Variants in EYA1 observed in about 807,000 individuals in gnomAD.
EYA1 encodes protein phosphatase EYA1.
In EYA1, 16 loss-of-function variants were observed where a neutral mutation model predicts 82.0. The observed-to-expected ratio is 0.20, with a 90% CI of 0.13 to 0.30. EYA1 has a LOEUF of 0.30. EYA1 is among the 10% of genes least tolerant of loss of function. EYA1 has a pLI of 1.00. For synonymous variants in EYA1, 261 were observed against 264.4 expected (o/e 0.99, Z 0.12); for missense variants, 633 against 730.7 (o/e 0.87, Z 1.54).
rs948779100 is a variant in EYA1 at position 71,418,379 on chromosome 8, T to C, written c.34-61868A>G. 2.6e-5 allele frequency among the ~76,000 whole-genome samples: 4 copies of C among 152,212 alleles called. No homozygotes were observed. The East Asian group carries it at 7.7e-4, about 29-fold the overall frequency. ...CATAAATTGATTCTGCTATTCTCTC[T>C]CCATGGGTCATAAGCTTTTCAGTCT... On this transcript the variant is annotated intron_variant, in intron 2 of 18. Coordinates refer to the EYA1 transcript ENST00000643681.
At chr8:71,456,066 A>G (rs2129184645) in intron 2 of EYA1, among the ~76,000 whole-genome samples, 1 of 152,330 alleles carries the variant, frequency 6.6e-6, no homozygotes, top group South Asian at 2.1e-4. Flanking sequence ...AAGTCTCAGG[A>G]TACAAAATCA....
chr8:71,546,777 T>C (rs1479486853), intron 1 of EYA1, among the ~76,000 whole-genome samples: 1 of 152,184 alleles, frequency 6.6e-6, no homozygotes, highest in African/African-American at 2.4e-5. Context: ...GTGCTGGGAT[T>C]ACAAGCGTGA....
chr8:71,392,216 G>C (rs1333970327), intron 2 of EYA1, among the ~76,000 whole-genome samples: 1 of 152,090 alleles, frequency 6.6e-6, no homozygotes, highest in Non-Finnish European at 1.5e-5. Flanking sequence ...CTCAGGGGAG[G>C]AAGGGACGGA....
intron 17 of EYA1, among the ~76,000 whole-genome samples, chr8:71,201,932 A>G (rs1807078671): frequency 6.6e-6 from 1 of 152,212 alleles, no homozygotes; most frequent in South Asian, 2.1e-4. Context: ...TAAAGGGGTT[A>G]GATAGTATTT....
At chr8:71,413,709 C>T (rs28647181) in intron 2 of EYA1, among the ~76,000 whole-genome samples, 24,502 of 152,104 alleles carry the variant, frequency 0.16, 2,195 homozygotes, top group African/African-American at 0.24. Context: ...TGTTGTGTTT[C>T]GTTTTGCTTT....
chr8:71,488,943 T>A (rs527464256), intron 2 of EYA1, among the ~76,000 whole-genome samples: 3 of 152,348 alleles, frequency 2.0e-5, no homozygotes, highest in South Asian at 4.1e-4. Flanking sequence ...TCCTGTTTTA[T>A]GTTGAGGGCT....
chr8:71,245,688 A>G lies in EYA1; in HGVS notation c.1051-996T>C, dbSNP rs544672061. ...TAATTTCAGAAGGGTAGTACATAGT[A>G]ATTTTAATCTAGATAACTCTCTATC... On this transcript the variant is annotated intron_variant, in intron 11 of 17. Coordinates refer to ENST00000340726, the MANE Select transcript of EYA1 (RefSeq NM_000503.6). Among the ~76,000 whole-genome samples the G allele has an allele frequency of 4.6e-5, 7 of 152,290 alleles. No homozygotes were observed. In the South Asian group the frequency reaches 1.5e-3, roughly 32 times the overall value.
At chr8:71,331,914 C>T (rs1183154280) in intron 4 of EYA1, among the ~76,000 whole-genome samples, 1 of 152,190 alleles carries the variant, frequency 6.6e-6, no homozygotes, top group African/African-American at 2.4e-5. Flanking sequence ...GTGGTGCAAT[C>T]ATAGCTCACT....
chr8:71,526,106 T>A (rs1364272827), intron 2 of EYA1, among the ~76,000 whole-genome samples: 1 of 152,084 alleles, frequency 6.6e-6, no homozygotes. Context: ...TAAGATTCTG[T>A]TTCAGAGGAG....
chr8:71,310,605 T>C (rs544480366), intron 7 of EYA1, among the ~76,000 whole-genome samples: 1 of 152,302 alleles, frequency 6.6e-6, no homozygotes, highest in South Asian at 2.1e-4. Flanking sequence ...ATTCTTTTTG[T>C]ATAGCTGCAT....
chr8:71,224,445 T>C (rs140134072), intron 12 of EYA1, among the ~76,000 whole-genome samples: 25 of 152,372 alleles, frequency 1.6e-4, no homozygotes, highest in Middle Eastern at 3.4e-3. Context: ...GAAGTGATCA[T>C]TGGGTTCTGT....
upstream of EYA1, among the ~76,000 whole-genome samples, chr8:71,364,797 A>G (rs1016933225): frequency 6.6e-6 from 1 of 151,574 alleles, no homozygotes; most frequent in Non-Finnish European, 1.5e-5. Flanking sequence ...GATCTTTCAT[A>G]TGCTGTATCA....
intron 4 of EYA1, among the ~76,000 whole-genome samples, chr8:71,323,413 G>C (rs960515089): frequency 1.3e-4 from 20 of 152,094 alleles, no homozygotes; most frequent in African/African-American, 4.6e-4. Flanking sequence ...GTTTCATATA[G>C]TTTTCCCATT....
intron 2 of EYA1, among the ~76,000 whole-genome samples, chr8:71,368,438 A>G (rs1389808031): frequency 1.3e-5 from 2 of 151,890 alleles, no homozygotes; most frequent in African/African-American, 4.8e-5. Flanking sequence ...GCTTGTAGAG[A>G]GTGGATGCAG....
intron 2 of EYA1, among the ~76,000 whole-genome samples, chr8:71,513,004 G>T (rs1812710803): frequency 6.6e-6 from 1 of 152,152 alleles, no homozygotes; most frequent in Admixed American, 6.5e-5. Context: ...ATTCTCCGCA[G>T]TAGCATGCAA....
chr8:71,282,661 T>C (rs1235623485), intron 9 of EYA1, among the ~76,000 whole-genome samples: 1 of 152,204 alleles, frequency 6.6e-6, no homozygotes, highest in Non-Finnish European at 1.5e-5. Flanking sequence ...TCTCTGGCTC[T>C]TCCTCTTTTC....
intron 2 of EYA1, among the ~76,000 whole-genome samples, chr8:71,490,269 C>T (rs1021036286): frequency 6.6e-6 from 1 of 152,020 alleles, no homozygotes; most frequent in Admixed American, 6.6e-5. Context: ...CCATTTTTGC[C>T]CACTGACCAC....
At chr8:71,222,943 C>T (rs550786880) in intron 12 of EYA1, among the ~76,000 whole-genome samples, 3 of 152,216 alleles carry the variant, frequency 2.0e-5, no homozygotes, top group African/African-American at 4.8e-5. Context: ...GCTCTGTGTC[C>T]GTGGTCATGG....
At chr8:71,398,039 T>G (rs1829731791) in intron 2 of EYA1, among the ~76,000 whole-genome samples, 1 of 152,208 alleles carries the variant, frequency 6.6e-6, no homozygotes, top group Non-Finnish European at 1.5e-5. Flanking sequence ...TTCATTCATT[T>G]GGTTTTCAAT....
Sources: allele counts gnomAD v4.1 joint callset (sites outside exome capture counted in the v4.1 genomes callset), GRCh38; gene constraint gnomAD v4.1.1; transcripts MANE v1.5; gene names NCBI Gene and HGNC (gene_info 2026-07-23, HGNC 2026-07-21).